The following AGBL2 variants were observed in gnomAD, a reference collection of about 807,000 sequenced individuals.
The protein encoded by AGBL2 is AGBL carboxypeptidase 2.
A neutral mutation model predicts 103.0 loss-of-function variants in AGBL2; 87 were observed. That is an observed-to-expected ratio of 0.84 (90% CI 0.71 to 1.01). The LOEUF (loss-of-function observed/expected upper bound fraction) is 1.01. Among genes scored for constraint, AGBL2 ranks in the 50% least tolerant of loss-of-function variants. The pLI, the probability that AGBL2 is intolerant of heterozygous loss-of-function variation, is 0.00. For missense variants in AGBL2, 904 were observed against 1,023.5 expected, an observed-to-expected ratio of 0.88 and a Z score of 1.59; for synonymous variants, 335 against 356.7, an observed-to-expected ratio of 0.94 and a Z score of 0.69.
intron 14 of AGBL2, among the ~76,000 whole-genome samples, chr11:47,669,910 A>AC (rs915207629): frequency 1.3e-5 from 2 of 152,120 alleles, no homozygotes; most frequent in African/African-American, 4.8e-5. Flanking sequence ...TGTACCCGGT[A>AC]CCCAAAAAAG....
Position 47,690,339 on chromosome 11 carries a change from G to T in AGBL2, c.1368C>A (p.Val456=). The T allele has an allele frequency of 6.2e-7, 1 of 1,613,942 alleles. No homozygotes were observed. The highest frequency in any genetic ancestry group is 8.5e-7 in the Non-Finnish European group (1 of 1,179,924). Residue 456 remains valine (V), a synonymous_variant, in exon 10 of 19, where the codon GTC becomes GTA. Transcript: ENST00000525123. ...PQEAAAKKAV[V]LSARVHPGES... ...CTCCAGGGTGAACTCTGGCACTCAAGACCACAGCTTTCTTTGCAGCTGCCT... is the reference window on the plus strand; with the variant it reads ...CTCCAGGGTGAACTCTGGCACTCAATACCACAGCTTTCTTTGCAGCTGCCT...
intron 6 of AGBL2, 73 bp downstream of exon 6, chr11:47,705,448 C>T (rs1395706523): frequency 1.5e-5 from 3 of 202,406 alleles, no homozygotes; most frequent in South Asian, 1.4e-4. Context: ...GAGTTCGAGA[C>T]CAGCCTGGCC....
intron 12 of AGBL2, 38 bp downstream of exon 12, chr11:47,681,931 T>A: frequency 6.3e-7 from 1 of 1,594,844 alleles, no homozygotes; most frequent in Non-Finnish European, 8.5e-7. Flanking sequence ...TGGATTTCCC[T>A]TCCTATGCTG....
intron 10 of AGBL2, among the ~76,000 whole-genome samples, chr11:47,687,339 G>A (rs2097427968): frequency 6.6e-6 from 1 of 151,612 alleles, no homozygotes; most frequent in Admixed American, 6.6e-5. Context: ...CAACAGAGGG[G>A]ACAGTATTAT....
intron 3 of AGBL2, among the ~76,000 whole-genome samples, chr11:47,711,182 C>G (rs756591016): frequency 1.4e-4 from 22 of 152,272 alleles, no homozygotes; most frequent in Non-Finnish European, 3.1e-4. Flanking sequence ...GAAGGGACTC[C>G]TCTCTGGAAT....
chr11:47,667,237 T>G (rs1388756382), intron 16 of AGBL2, among the ~76,000 whole-genome samples, 174 bp from the exon 17 acceptor site: 1 of 152,224 alleles, frequency 6.6e-6, no homozygotes, highest in Non-Finnish European at 1.5e-5. Context: ...TGTCTTAGCC[T>G]GGACCAGGCC....
chr11:47,702,823 G>C (rs147236611), intron 7 of AGBL2, among the ~76,000 whole-genome samples: 94 of 152,050 alleles, frequency 6.2e-4, no homozygotes, highest in African/African-American at 2.2e-3. Context: ...GCAGTGAGCC[G>C]AGATGGAGCC....
At position 47,712,606 on chromosome 11, in the gene AGBL2, T is replaced by C. The variant is rs35885662; in HGVS notation, c.97+1678A>G. Among the ~76,000 whole-genome samples the C allele has an allele frequency of 8.0e-3, 1,214 of 152,344 alleles. 18 individuals carry two copies. Among genetic ancestry groups the C allele is most frequent in the African/African-American group, 0.027 (1,130 of 41,576 alleles). On this transcript the variant is annotated intron_variant, in intron 3 of 18. Coordinates refer to ENST00000525123, the MANE Select transcript of AGBL2 (RefSeq NM_024783.4). Reference sequence around the variant, plus strand: ...ATTTAATGCAATTCCTATAATCTTTTAAAATGTCATAAGCGGGCTGGGGAC... The same window carrying C: ...ATTTAATGCAATTCCTATAATCTTTCAAAATGTCATAAGCGGGCTGGGGAC...
intron 15 of AGBL2, among the ~76,000 whole-genome samples, chr11:47,668,246 C>T (rs1243019465): frequency 2.7e-5 from 4 of 146,626 alleles, no homozygotes; most frequent in South Asian, 4.3e-4. Flanking sequence ...CAGCAGCTCA[C>T]GCCTATATTC....
intron 3 of AGBL2, among the ~76,000 whole-genome samples, chr11:47,711,921 A>T (rs536645706): frequency 6.6e-6 from 1 of 152,318 alleles, no homozygotes; most frequent in South Asian, 2.1e-4. Flanking sequence ...TACAAAAAAA[A>T]TTTTTAAATT....
chr11:47,711,911 T>C (rs2097537412), intron 3 of AGBL2, among the ~76,000 whole-genome samples: 1 of 152,122 alleles, frequency 6.6e-6, no homozygotes, highest in Non-Finnish European at 1.5e-5. Context: ...ACCATGTCTC[T>C]ACAAAAAAAA....
chr11:47,677,719 C>T (rs1042186406), intron 13 of AGBL2, among the ~76,000 whole-genome samples: 8 of 152,294 alleles, frequency 5.3e-5, no homozygotes, highest in South Asian at 2.1e-4. Flanking sequence ...TCCCAAAGTG[C>T]TGGGATTACA....
chr11:47,673,391 C>T (rs180754825), intron 14 of AGBL2, among the ~76,000 whole-genome samples: 3 of 151,870 alleles, frequency 2.0e-5, no homozygotes, highest in East Asian at 1.9e-4. Flanking sequence ...TTTGGGAGGC[C>T]GAGGTGGGCG....
At chr11:47,664,895 A>T (rs7395021) in intron 17 of AGBL2, among the ~76,000 whole-genome samples, 144,391 of 145,710 alleles carry the variant, frequency 0.99, 71,542 homozygotes, top group Middle Eastern at 1. Flanking sequence ...TTTTTTTTTT[A>T]ATTTTTAGCA....
chr11:47,686,959 CAAA>C (rs56079169), intron 10 of AGBL2, among the ~76,000 whole-genome samples: 3 of 51,590 alleles, frequency 5.8e-5, no homozygotes, highest in African/African-American at 2.3e-4. Flanking sequence ...AACTCTATCT[CAAA>C]AAAAAAAAAA....
At chr11:47,670,220 T>C (rs557053502) in intron 14 of AGBL2, among the ~76,000 whole-genome samples, 2 of 152,362 alleles carry the variant, frequency 1.3e-5, no homozygotes, top group East Asian at 3.9e-4. Context: ...AAATCCAGGA[T>C]CCTAACAGGT....
intron 10 of AGBL2, 102 bp downstream of exon 10, chr11:47,689,974 A>G: frequency 9.5e-7 from 1 of 1,049,828 alleles, no homozygotes; most frequent in Non-Finnish European, 1.4e-6. Flanking sequence ...GTCATACTCA[A>G]TTCCTTTAAC....
At chr11:47,691,822 G>A (rs1242766726) in intron 9 of AGBL2, among the ~76,000 whole-genome samples, 3 of 133,858 alleles carry the variant, frequency 2.2e-5, no homozygotes, top group Admixed American at 8.1e-5. Context: ...CTTAATATTT[G>A]CTGCATCTAG....
chr11:47,667,723 C>T (rs766588190), intron 15 of AGBL2, 27 bp from the exon 16 acceptor site: 5 of 1,603,104 alleles, frequency 3.1e-6, no homozygotes, highest in Non-Finnish European at 3.4e-6. Flanking sequence ...AGAAACTGGT[C>T]ATTGAAGATT....
Sources: gnomAD v4.1 joint callset for allele counts (sites outside exome capture counted in the v4.1 genomes callset) on GRCh38, gnomAD v4.1.1 for gene constraint, MANE v1.5 for transcripts, NCBI Gene and HGNC (gene_info 2026-07-23, HGNC 2026-07-21) for gene names.